The following NSF variants were observed in gnomAD, a reference collection of about 807,000 sequenced individuals.
NSF encodes vesicle-fusing ATPase.
NSF carries 14 observed loss-of-function variants against 50.3 expected under a neutral mutation model. That is an observed-to-expected ratio of 0.28 (90% CI 0.18 to 0.44). The LOEUF (loss-of-function observed/expected upper bound fraction) is 0.44, where lower values mean the gene tolerates loss of function less well. Among genes scored for constraint, NSF ranks in the 20% least tolerant of loss-of-function variants. The pLI is 1.00. For missense variants in NSF, 218 were observed against 504.3 expected (o/e 0.43, Z 5.44); for synonymous variants, 109 against 175.7 (o/e 0.62, Z 3.00).
intron 13 of NSF, among the ~76,000 whole-genome samples, chr17:46,707,503 G>T (rs927580500): frequency 6.6e-6 from 1 of 151,800 alleles, no homozygotes; most frequent in Non-Finnish European, 1.5e-5. Context: ...TCTTCTTCTT[G>T]AACTGAAACT....
At chr17:46,752,770 TTC>T (rs2059194108) in intron 19 of NSF, among the ~76,000 whole-genome samples, 1 of 151,930 alleles carries the variant, frequency 6.6e-6, no homozygotes, top group African/African-American at 2.4e-5. Flanking sequence ...GTAACTTTTT[TTC>T]TTTTTTTTTC....
At chr17:46,725,470 GA>G (rs2058878981) in intron 15 of NSF, among the ~76,000 whole-genome samples, 2 of 152,160 alleles carry the variant, frequency 1.3e-5, no homozygotes. Context: ...TTTATGCCAG[GA>G]AAGAGGTAAG....
At chr17:46,673,909 GGGTGTGTGTGTGT>G (rs1376494364) in intron 8 of NSF, among the ~76,000 whole-genome samples, 1 of 9,288 alleles carries the variant, frequency 1.1e-4, no homozygotes, top group Non-Finnish European at 4.8e-4. Flanking sequence ...TATTCCATGG[GGGTGTGTGTGTGT>G]GTGTGTGTGT....
intron 1 of NSF, among the ~76,000 whole-genome samples, chr17:46,605,566 T>C (rs1077250): frequency 0.12 from 12,402 of 102,768 alleles, 6 homozygotes; most frequent in Middle Eastern, 0.19. Context: ...ATATTTTCCA[T>C]ATGCTTAGAG....
At chr17:46,739,386 A>AT (rs1018560761) in intron 17 of NSF, among the ~76,000 whole-genome samples, 14 of 149,558 alleles carry the variant, frequency 9.4e-5, no homozygotes, top group Non-Finnish European at 7.4e-5. Context: ...AAAAAAAAAA[A>AT]AAAAAAGCCA....
chr17:46,671,936 G>A (rs147784741), intron 8 of NSF, among the ~76,000 whole-genome samples: 12 of 143,906 alleles, frequency 8.3e-5, no homozygotes, highest in East Asian at 1.9e-4. Flanking sequence ...GAATAAGCAC[G>A]GTCCATAAAT....
Position 46,711,106 on chromosome 17 carries a change from C to T in NSF, c.1614C>T (p.Ser538=), listed in dbSNP as rs1388719139. Residue 538 remains serine (S), a synonymous_variant, in exon 14 of 21, where the codon AGC becomes AGT. Transcript: ENST00000398238. The part of the protein sequence containing the change: ...TKNSDRTPLV[S]VLLEGPPHSG... Reference sequence around the variant, plus strand: ...ACAGTGACCGCACACCATTGGTCAGCGTGCTTCTGGAAGGTGAGAATGAAT... The same window carrying T: ...ACAGTGACCGCACACCATTGGTCAGTGTGCTTCTGGAAGGTGAGAATGAAT... 3 of 1,509,950 alleles carry T rather than the reference C, an allele frequency of 2.0e-6. No individual in the cohort carries two copies. Among genetic ancestry groups the T allele is most frequent in the Non-Finnish European group, 2.6e-6 (3 of 1,136,088 alleles). 93.5% of individuals were successfully genotyped at this position (1,509,950 alleles called of 1,614,324 possible).
At chr17:46,751,469 A>G in intron 18 of NSF, 34 bp from the exon 19 acceptor site, 1 of 1,513,276 alleles carries the variant, frequency 6.6e-7, no homozygotes, top group Non-Finnish European at 9.2e-7. Context: ...GTTCACTGTA[A>G]AAGTGCTTTG....
intron 14 of NSF, among the ~76,000 whole-genome samples, chr17:46,711,912 G>T (rs1390891458): frequency 2.6e-5 from 4 of 152,122 alleles, no homozygotes; most frequent in Non-Finnish European, 4.4e-5. Context: ...AAAGAGAAAG[G>T]GAGATTATCC....
chr17:46,708,086 T>C (rs1300051282), intron 13 of NSF, among the ~76,000 whole-genome samples: 1 of 152,016 alleles, frequency 6.6e-6, no homozygotes, highest in Non-Finnish European at 1.5e-5. Flanking sequence ...TTGTTATCCA[T>C]TCCTCTGTCA....
Position 46,755,856 on chromosome 17 carries a change from G to A in NSF, c.*33G>A, listed in dbSNP as rs368768510. On this transcript the variant is annotated 3_prime_UTR_variant, in exon 21 of 21. Transcript: ENST00000398238. Reference sequence around the variant, plus strand: ...CTATTTGAAACACACAGTGACCAAGGGAAGTGACCAAGGTGAAGATGGCCT... The same window carrying A: ...CTATTTGAAACACACAGTGACCAAGAGAAGTGACCAAGGTGAAGATGGCCT... The A allele has an allele frequency of 2.8e-5, 45 of 1,607,540 alleles. 1 individual carries two copies. In the East Asian group the frequency reaches 8.7e-4, roughly 31 times the overall value.
intron 19 of NSF, among the ~76,000 whole-genome samples, chr17:46,754,057 A>G (rs573593455): frequency 6.6e-6 from 1 of 152,012 alleles, no homozygotes; most frequent in African/African-American, 2.4e-5. Context: ...CCATAGCTAC[A>G]GGCAAGTCAG....
At chr17:46,714,072 A>C in intron 15 of NSF, 86 bp downstream of exon 15, 1 of 1,334,498 alleles carries the variant, frequency 7.5e-7, no homozygotes, top group Non-Finnish European at 1.0e-6. Context: ...ACATGTATAC[A>C]TATAAACCCA....
chr17:46,634,597 C>G (rs2058166250), intron 4 of NSF, among the ~76,000 whole-genome samples: 1 of 24,450 alleles, frequency 4.1e-5, no homozygotes, highest in African/African-American at 1.4e-4. Context: ...GCACGAGAAT[C>G]ACTTGAACCC....
intron 1 of NSF, among the ~76,000 whole-genome samples, chr17:46,601,878 TA>T (rs533376609): frequency 0.024 from 3,344 of 140,182 alleles, 164 homozygotes; most frequent in African/African-American, 0.07. Context: ...CCCACTCCTT[TA>T]AAAAAAAAAA....
chr17:46,714,347 T>C (rs1216142435), intron 15 of NSF, among the ~76,000 whole-genome samples: 1 of 152,208 alleles, frequency 6.6e-6, no homozygotes, highest in Non-Finnish European at 1.5e-5. Flanking sequence ...AAAGTTGAAC[T>C]CTTTGGGGTC....
In NSF at chr17:46,690,611, C is replaced by CAA. The variant is rs771047574; in HGVS notation, c.946-2279_946-2278dup. Among the ~76,000 whole-genome samples the CAA allele has an allele frequency of 5.1e-3, 472 of 91,766 alleles. 11 individuals carry two copies. Among genetic ancestry groups the CAA allele is most frequent in the African/African-American group, 0.014 (325 of 22,536 alleles). The allele number at this position is 91,766 out of a possible 152,430, so 60.2% of individuals were successfully genotyped here. A position where few individuals can be genotyped will look rare whatever the true frequency, so the allele number is the denominator to read the frequency against. On this transcript the variant is annotated intron_variant, in intron 9 of 20. Transcript: ENST00000398238. ...TGGGCAACAGAGTGAGACTCCGTCT[C>CAA]AAAAAAAAAAAAAATATATATATAT...
At chr17:46,726,403 G>A (rs1421730009) in intron 15 of NSF, 146 bp from the exon 16 acceptor site, 1 of 744,190 alleles carries the variant, frequency 1.3e-6, no homozygotes, top group Non-Finnish European at 2.4e-6. Context: ...CGGTGATCCA[G>A]TGTGTCAATT....
At chr17:46,712,593 A>G (rs2058730783) in intron 14 of NSF, among the ~76,000 whole-genome samples, 1 of 152,232 alleles carries the variant, frequency 6.6e-6, no homozygotes, top group African/African-American at 2.4e-5. Flanking sequence ...TAAATCGGAA[A>G]TGTTGAGCAG....
Sources: gnomAD v4.1 joint callset for allele counts (sites outside exome capture counted in the v4.1 genomes callset) on GRCh38, gnomAD v4.1.1 for gene constraint, MANE v1.5 for transcripts, NCBI Gene and HGNC (gene_info 2026-07-23, HGNC 2026-07-21) for gene names.